The following SPOCK3 variants were observed in gnomAD, a reference collection of about 807,000 sequenced individuals.
SPOCK3 encodes the protein testican-3.
Under a neutral mutation model 56.6 loss-of-function variants are expected in SPOCK3, and 30 were observed. The ratio of observed to expected loss-of-function variants is 0.53; its 90% CI spans 0.40 to 0.72. The LOEUF (loss-of-function observed/expected upper bound fraction) is 0.72, where lower values mean the gene tolerates loss of function less well. Ranked by LOEUF, SPOCK3 falls within the 30% of genes least tolerant of loss-of-function variation. SPOCK3 has a pLI of 0.00. For missense variants in SPOCK3, 527 were observed against 530.0 expected, an observed-to-expected ratio of 0.99 and a Z score of 0.06; for synonymous variants, 196 against 183.3, an observed-to-expected ratio of 1.07 and a Z score of -0.56.
At chr4:167,230,845 G>GT (rs1274277786) in intron 2 of SPOCK3, among the ~76,000 whole-genome samples, 1 of 152,018 alleles carries the variant, frequency 6.6e-6, no homozygotes, top group African/African-American at 2.4e-5. Context: ...GACAACAAAG[G>GT]TAACAAACTT....
intron 2 of SPOCK3, among the ~76,000 whole-genome samples, chr4:167,208,885 G>T (rs1423064513): frequency 6.6e-6 from 1 of 152,034 alleles, no homozygotes; most frequent in Non-Finnish European, 1.5e-5. Context: ...TTAAAATCCT[G>T]TTAACAGCTT....
chr4:166,937,796 C>A (rs563245226), intron 4 of SPOCK3, among the ~76,000 whole-genome samples: 1 of 142,872 alleles, frequency 7.0e-6, no homozygotes, highest in South Asian at 2.2e-4. Context: ...GTCACTCTGT[C>A]GCCCAGGCTA....
intron 5 of SPOCK3, among the ~76,000 whole-genome samples, chr4:166,894,469 T>G (rs912948465): frequency 2.0e-5 from 3 of 152,140 alleles, no homozygotes; most frequent in Non-Finnish European, 4.4e-5. Flanking sequence ...TCAAGCAGTC[T>G]CTAAGGCTCA....
At chr4:167,097,883 T>C (rs1759300153) in intron 2 of SPOCK3, among the ~76,000 whole-genome samples, 1 of 151,978 alleles carries the variant, frequency 6.6e-6, no homozygotes, top group African/African-American at 2.4e-5. Context: ...AATCAAATCA[T>C]GTCATTTGCA....
intron 2 of SPOCK3, among the ~76,000 whole-genome samples, chr4:167,163,472 A>C (rs1358528150): frequency 6.6e-6 from 1 of 152,026 alleles, no homozygotes; most frequent in Non-Finnish European, 1.5e-5. Flanking sequence ...CTAAATGTAC[A>C]ATAAATTATA....
rs771185230 is a variant in SPOCK3 at position 166,792,241 on chromosome 4, C to G, written c.638G>C (p.Trp213Ser). The change falls in exon 7 of 11, where the codon TGG becomes TCG. Residue 213 changes from tryptophan (W) to serine (S), a missense_variant. Transcript: ENST00000357545. ...TCCACTTTCATGAAGGGCCTTGAAC[C>G]AGTCCCGCAATCTGTTTGCCACTTC... ...FREVANRLRD[W>S]FKALHESGSQ... 1.7e-5 allele frequency: 28 copies of G among 1,613,716 alleles called. No individual in the cohort carries two copies. The highest frequency in any genetic ancestry group is 1.9e-5 in the Non-Finnish European group (23 of 1,179,850).
At chr4:166,802,911 A>C (rs555174034) in intron 6 of SPOCK3, among the ~76,000 whole-genome samples, 1 of 152,206 alleles carries the variant, frequency 6.6e-6, no homozygotes, top group East Asian at 1.9e-4. Flanking sequence ...GCTCTTTCTT[A>C]AAAAGTTCCG....
At chr4:166,962,849 T>C (rs1359952576) in intron 4 of SPOCK3, among the ~76,000 whole-genome samples, 1 of 152,060 alleles carries the variant, frequency 6.6e-6, no homozygotes, top group Admixed American at 6.6e-5. Flanking sequence ...TTCATCAGAC[T>C]CTAATAATCC....
At chr4:167,008,969 A>C (rs1043242877) in intron 3 of SPOCK3, among the ~76,000 whole-genome samples, 1 of 152,146 alleles carries the variant, frequency 6.6e-6, no homozygotes, top group African/African-American at 2.4e-5. Context: ...AATAACCTGC[A>C]CATGTACCCC....
intron 2 of SPOCK3, among the ~76,000 whole-genome samples, chr4:167,218,884 G>A (rs561796070): frequency 5.9e-5 from 9 of 152,212 alleles, no homozygotes; most frequent in South Asian, 4.1e-4. Context: ...GTCTATGTAC[G>A]AATGCTCCTT....
At chr4:166,887,277 A>G (rs1226302309) in intron 6 of SPOCK3, among the ~76,000 whole-genome samples, 2 of 152,306 alleles carry the variant, frequency 1.3e-5, no homozygotes, top group East Asian at 3.9e-4. Flanking sequence ...TAAAAGCGGG[A>G]AATCTCATTG....
At chr4:167,135,574 T>C (rs765890280) in intron 2 of SPOCK3, among the ~76,000 whole-genome samples, 15 of 152,116 alleles carry the variant, frequency 9.9e-5, no homozygotes, top group Non-Finnish European at 2.1e-4. Flanking sequence ...ATATGAGTCA[T>C]ATTGGAAGTG....
At chr4:166,747,845 A>G (rs201508196) in intron 8 of SPOCK3, among the ~76,000 whole-genome samples, 69,039 of 151,072 alleles carry the variant, frequency 0.46, 16,268 homozygotes, top group African/African-American at 0.51. Context: ...CCAATAACAG[A>G]AAAACAGAGA....
At chr4:167,109,365 TATATATATTTATATAAAATATATAA>T (rs1355700587) in intron 2 of SPOCK3, among the ~76,000 whole-genome samples, 42,994 of 72,950 alleles carry the variant, frequency 0.59, 10,249 homozygotes, top group East Asian at 0.72. Context: ...TATATATTTA[TATATATATTTATATAAAATATATAA>T]ATATATATTT....
intron 4 of SPOCK3, among the ~76,000 whole-genome samples, chr4:166,990,472 A>C (rs1211339394): frequency 1.3e-5 from 2 of 152,128 alleles, no homozygotes; most frequent in African/African-American, 4.8e-5. Flanking sequence ...GAATTTAGGA[A>C]TAGAAAGATT....
At chr4:166,892,067 C>A (rs907147250) in intron 5 of SPOCK3, among the ~76,000 whole-genome samples, 2 of 151,942 alleles carry the variant, frequency 1.3e-5, no homozygotes, top group Middle Eastern at 3.2e-3. Context: ...TAACAGGAAT[C>A]ATATTTTCTG....
intron 6 of SPOCK3, among the ~76,000 whole-genome samples, chr4:166,864,949 C>G (rs1731646767): frequency 6.6e-6 from 1 of 152,102 alleles, no homozygotes; most frequent in African/African-American, 2.4e-5. Context: ...CAGCATCACC[C>G]TGATACCAAA....
rs191708576 is a variant in SPOCK3 at position 166,768,638 on chromosome 4, C to T, written c.710-13909G>A. On this transcript the variant is annotated intron_variant, in intron 7 of 10. Transcript: ENST00000357545. The stretch of plus-strand genomic sequence containing the variant: ...CTTAACATTTTTTCCTTCATTTAAA[C>T]TTTGATGAATCTGATAATTACGTAT... Among the ~76,000 whole-genome samples, 679 of 152,252 alleles carry T rather than the reference C, an allele frequency of 4.5e-3. 4 individuals carry two copies. The highest frequency in any genetic ancestry group is 0.015 in the African/African-American group (643 of 41,536).
chr4:167,172,202 G>A (rs116556175), intron 2 of SPOCK3, among the ~76,000 whole-genome samples: 3,763 of 152,238 alleles, frequency 0.025, 147 homozygotes, highest in African/African-American at 0.085. Context: ...AACATTTGCT[G>A]TGCCTACAAA....
Sources: allele counts gnomAD v4.1 joint callset (sites outside exome capture counted in the v4.1 genomes callset), GRCh38; gene constraint gnomAD v4.1.1; transcripts MANE v1.5; gene names NCBI Gene and HGNC (gene_info 2026-07-23, HGNC 2026-07-21).